The following EIF4G3 variants were observed in gnomAD, a reference collection of about 807,000 sequenced individuals.
EIF4G3 encodes eukaryotic translation initiation factor 4 gamma 3.
A neutral mutation model predicts 186.4 loss-of-function variants in EIF4G3; 34 were observed. The ratio of observed to expected loss-of-function variants is 0.18; its 90% CI spans 0.14 to 0.24. The LOEUF (loss-of-function observed/expected upper bound fraction) is 0.24, where lower values mean the gene tolerates loss of function less well. Among genes scored for constraint, EIF4G3 ranks in the 10% least tolerant of loss-of-function variants. The pLI is 1.00. For synonymous variants in EIF4G3, 673 were observed against 679.5 expected, an observed-to-expected ratio of 0.99 and a Z score of 0.15; for missense variants, 1,536 against 1,948.5, an observed-to-expected ratio of 0.79 and a Z score of 3.99.
intron 2 of EIF4G3, among the ~76,000 whole-genome samples, chr1:21,157,980 GAAT>G (rs899914240): frequency 6.6e-6 from 1 of 151,996 alleles, no homozygotes; most frequent in Non-Finnish European, 1.5e-5. Flanking sequence ...AAATCAGAAA[GAAT>G]AATGAGCAGT....
chr1:21,170,690 T>C (rs527448365), intron 2 of EIF4G3, among the ~76,000 whole-genome samples: 6 of 149,478 alleles, frequency 4.0e-5, no homozygotes, highest in African/African-American at 1.5e-4. Context: ...AAACAATTAT[T>C]AGTTAATAAA....
At chr1:20,831,540 CT>C (rs560510994) in intron 30 of EIF4G3, among the ~76,000 whole-genome samples, 743 of 131,848 alleles carry the variant, frequency 5.6e-3, no homozygotes, top group South Asian at 0.016. Context: ...TTGCATTTTT[CT>C]TTTTTTTTTT....
intron 14 of EIF4G3, among the ~76,000 whole-genome samples, chr1:20,938,657 C>A (rs767766962): frequency 1.3e-5 from 2 of 152,076 alleles, no homozygotes; most frequent in Non-Finnish European, 2.9e-5. Context: ...TGAATAAGTG[C>A]AAATAAATTA....
chr1:21,106,186 G>A (rs745751002), intron 2 of EIF4G3, among the ~76,000 whole-genome samples: 1 of 151,494 alleles, frequency 6.6e-6, no homozygotes, highest in Non-Finnish European at 1.5e-5. Context: ...TAAGCAGTAT[G>A]AATTCTTTTA....
At chr1:20,914,562 T>C (rs926673768) in intron 14 of EIF4G3, among the ~76,000 whole-genome samples, 2 of 152,202 alleles carry the variant, frequency 1.3e-5, no homozygotes, top group African/African-American at 4.8e-5. Flanking sequence ...ATGAAACCCA[T>C]TTTGGACTTC....
At chr1:21,039,235 T>C (rs201687946) in intron 4 of EIF4G3, among the ~76,000 whole-genome samples, 2 of 152,204 alleles carry the variant, frequency 1.3e-5, no homozygotes, top group Non-Finnish European at 2.9e-5. Flanking sequence ...AAAAACTGGA[T>C]AGCCACATGC....
intron 4 of EIF4G3, chr1:21,003,840 A>G: frequency 2.8e-6 from 1 of 356,654 alleles, no homozygotes; most frequent in East Asian, 9.2e-5. Flanking sequence ...GGTTAGAAAC[A>G]GGAAAGCATG....
chr1:20,954,891 G>A (rs1175130903), intron 12 of EIF4G3, among the ~76,000 whole-genome samples: 1 of 152,226 alleles, frequency 6.6e-6, no homozygotes, highest in Non-Finnish European at 1.5e-5. Flanking sequence ...TGTGACGTAT[G>A]TGAGGAAGAT....
intron 2 of EIF4G3, among the ~76,000 whole-genome samples, chr1:21,094,860 TAA>T (rs1557933604): frequency 3.3e-5 from 5 of 151,558 alleles, no homozygotes; most frequent in Admixed American, 3.3e-4. Flanking sequence ...TAACCTATTT[TAA>T]AAAAGAGCCT....
At chr1:20,985,159 T>A (rs1052336261) in intron 7 of EIF4G3, among the ~76,000 whole-genome samples, 26 of 152,362 alleles carry the variant, frequency 1.7e-4, no homozygotes, top group Middle Eastern at 3.4e-3. Context: ...GCAGGATCTT[T>A]ATCCAACTAT....
intron 2 of EIF4G3, among the ~76,000 whole-genome samples, chr1:21,138,376 A>C (rs2102615231): frequency 6.6e-6 from 1 of 152,306 alleles, no homozygotes; most frequent in East Asian, 1.9e-4. Context: ...CCTGAAGAAA[A>C]ATGTGGAACA....
intron 2 of EIF4G3, among the ~76,000 whole-genome samples, chr1:21,110,480 A>G (rs932870169): frequency 6.6e-6 from 1 of 152,104 alleles, no homozygotes; most frequent in East Asian, 1.9e-4. Context: ...ATTTTAGTAG[A>G]GACGGGATTT....
intron 14 of EIF4G3, among the ~76,000 whole-genome samples, chr1:20,930,775 C>T (rs2095271247): frequency 6.6e-6 from 1 of 152,078 alleles, no homozygotes; most frequent in African/African-American, 2.4e-5. Flanking sequence ...AGTCTTGAGC[C>T]CCTCAAAGTT....
rs987763767 is a variant in EIF4G3, at chr1:20,834,394, C to T, written c.4062-5122G>A. 4.6e-5 allele frequency among the ~76,000 whole-genome samples: 7 copies of T among 151,930 alleles called. 1 individual carries two copies. Among genetic ancestry groups the T allele is most frequent in the African/African-American group, 9.7e-5 (4 of 41,358 alleles). On this transcript the variant is annotated intron_variant, in intron 30 of 36. Transcript: ENST00000602326. ...TAGAGGTTGCAGTGAGCCTTGATTGCGCCACTGCACTCCAGCCTGGGTGAG... is the reference window on the plus strand; with the variant it reads ...TAGAGGTTGCAGTGAGCCTTGATTGTGCCACTGCACTCCAGCCTGGGTGAG...
intron 2 of EIF4G3, among the ~76,000 whole-genome samples, chr1:21,130,943 C>T (rs1573011290): frequency 6.6e-6 from 1 of 151,864 alleles, no homozygotes; most frequent in Non-Finnish European, 1.5e-5. Flanking sequence ...AAAGAATCAA[C>T]GAACTTGGGC....
intron 23 of EIF4G3, among the ~76,000 whole-genome samples, chr1:20,861,948 T>C (rs1042683267): frequency 1.3e-5 from 2 of 151,782 alleles, no homozygotes; most frequent in Non-Finnish European, 1.5e-5. Context: ...CACTCCAGCC[T>C]GGGCGACAGA....
chr1:20,923,845 C>T (rs762146786), intron 14 of EIF4G3, among the ~76,000 whole-genome samples: 6 of 150,822 alleles, frequency 4.0e-5, no homozygotes, highest in Non-Finnish European at 8.8e-5. Flanking sequence ...TTATCTGTCT[C>T]TCTACAAAAT....
At chr1:20,874,537 T>C (rs970993294) in intron 20 of EIF4G3, among the ~76,000 whole-genome samples, 2 of 152,246 alleles carry the variant, frequency 1.3e-5, no homozygotes, top group Non-Finnish European at 2.9e-5. Context: ...TTCATTTCTA[T>C]GAACTGCCCA....
At chr1:21,026,633 T>C (rs1156639166) in intron 4 of EIF4G3, among the ~76,000 whole-genome samples, 1 of 151,998 alleles carries the variant, frequency 6.6e-6, no homozygotes, top group South Asian at 2.1e-4. Context: ...GAGAAAATAT[T>C]TGTAAACTGT....
Sources: allele counts gnomAD v4.1 joint callset (sites outside exome capture counted in the v4.1 genomes callset), GRCh38; gene constraint gnomAD v4.1.1; transcripts MANE v1.5; gene names NCBI Gene and HGNC (gene_info 2026-07-23, HGNC 2026-07-21).